CEP128: variants seen among roughly 807,000 people sequenced by gnomAD.
CEP128 encodes the protein centrosomal protein 128, also known as centrosomal protein 128kDa.
CEP128 carries 132 observed loss-of-function variants against 156.7 expected under a neutral mutation model. The observed-to-expected ratio is 0.84, with a 90% confidence interval of 0.73 to 0.97. CEP128 has a LOEUF of 0.97. CEP128 is among the 50% of genes least tolerant of loss of function. CEP128 has a pLI of 0.00. For synonymous variants in CEP128, 469 were observed against 448.9 expected (o/e 1.04, Z -0.57); for missense variants, 1,252 against 1,281.9 (o/e 0.98, Z 0.36).
rs969374959 is a variant in CEP128, at chr14:80,587,240, T to C, written c.2807-6817A>G. Among the ~76,000 whole-genome samples the C allele has an allele frequency of 2.6e-5, 4 of 152,168 alleles. No individual in the cohort carries two copies. The East Asian group carries it at 7.7e-4, about 29-fold the overall frequency. ...CCACCCACTGGTACATATCTGGATA[T>C]ACCGCAATGAGTTAAGAGTTTTCTC... On this transcript the variant is annotated intron_variant, in intron 19 of 24. Coordinates refer to ENST00000555265, the MANE Select transcript of CEP128 (RefSeq NM_152446.5).
intron 19 of CEP128, among the ~76,000 whole-genome samples, chr14:80,588,783 T>C (rs1393561776): frequency 6.6e-6 from 1 of 152,090 alleles, no homozygotes; most frequent in East Asian, 1.9e-4. Context: ...CATAAAAACA[T>C]TATGTTTTCA....
chr14:80,494,264 C>T (rs529363844), downstream of CEP128, among the ~76,000 whole-genome samples: 26 of 152,170 alleles, frequency 1.7e-4, no homozygotes, highest in Admixed American at 3.9e-4. Context: ...CAGATGCTTT[C>T]GTGAGAACAG....
intron 2 of CEP128, among the ~76,000 whole-genome samples, chr14:80,956,169 A>G (rs1249871826): frequency 6.6e-6 from 1 of 152,182 alleles, no homozygotes; most frequent in African/African-American, 2.4e-5. Context: ...AATCTGTTTT[A>G]TTTGAATTAA....
At chr14:80,709,645 T>C (rs1045646347) in intron 19 of CEP128, among the ~76,000 whole-genome samples, 1 of 152,196 alleles carries the variant, frequency 6.6e-6, no homozygotes, top group Admixed American at 6.6e-5. Flanking sequence ...AAATGATATT[T>C]TATGATGTTT....
intron 17 of CEP128, among the ~76,000 whole-genome samples, chr14:80,759,050 G>C (rs1420576122): frequency 6.6e-6 from 1 of 152,188 alleles, no homozygotes; most frequent in Non-Finnish European, 1.5e-5. Flanking sequence ...GTACAGTGCA[G>C]AACTAATCTA....
At chr14:80,818,875 T>C (rs1885008623) in intron 13 of CEP128, among the ~76,000 whole-genome samples, 3 of 152,276 alleles carry the variant, frequency 2.0e-5, no homozygotes, top group African/African-American at 4.8e-5. Flanking sequence ...CTTTGTCTTC[T>C]GAGTCTTTGC....
At chr14:80,704,736 CTG>C (rs975285948) in intron 19 of CEP128, among the ~76,000 whole-genome samples, 4 of 151,968 alleles carry the variant, frequency 2.6e-5, no homozygotes, top group Non-Finnish European at 5.9e-5. Flanking sequence ...TAAACTGATT[CTG>C]TCTCTCCTTC....
chr14:80,608,244 T>C (rs1892861572), intron 19 of CEP128, among the ~76,000 whole-genome samples: 2 of 152,216 alleles, frequency 1.3e-5, no homozygotes, highest in Admixed American at 6.5e-5. Context: ...TTAATTGTTT[T>C]GTCTTTTCGC....
At chr14:80,717,831 T>C (rs1014284511) in intron 19 of CEP128, among the ~76,000 whole-genome samples, 1 of 152,196 alleles carries the variant, frequency 6.6e-6, no homozygotes, top group Non-Finnish European at 1.5e-5. Flanking sequence ...TGCTTTTGTT[T>C]TGAGACAAGG....
chr14:80,856,041 T>G (rs539265733), intron 9 of CEP128, among the ~76,000 whole-genome samples: 1 of 152,292 alleles, frequency 6.6e-6, no homozygotes, highest in East Asian at 1.9e-4. Flanking sequence ...TCCAAAAAAA[T>G]GAAGAAAAAT....
At chr14:80,478,616 T>C (rs192442085) in intron 14 of CEP128, among the ~76,000 whole-genome samples, 5 of 152,284 alleles carry the variant, frequency 3.3e-5, no homozygotes, top group Admixed American at 3.3e-4. Flanking sequence ...TCATATAAGA[T>C]ACATTCTTGA....
At chr14:80,586,501 A>T (rs375022738) in intron 19 of CEP128, among the ~76,000 whole-genome samples, 3 of 152,296 alleles carry the variant, frequency 2.0e-5, no homozygotes, top group African/African-American at 7.2e-5. Context: ...CACAAAAGTG[A>T]CTGCCCTGCT....
In CEP128 at chr14:80,785,009, A is replaced by T. The variant is rs1901322567; in HGVS notation, c.2097T>A (p.Asp699Glu). The change falls in exon 15 of 25, where the codon GAT (aspartate) becomes GAA (glutamate). Residue 699 changes from aspartate (D) to glutamate (E), a missense_variant. By Grantham distance (45) the Asp-to-Glu change is conservative (BLOSUM62 2). Transcript: ENST00000555265. The stretch of plus-strand genomic sequence containing the variant: ...TCACACTCTGCAATGATGATGTGAG[A>T]TCTTTCAGCTCCCTCTGGTGCACAT... ...ERDVHQRELK[D>E]LTSSLQSVKT... is the part of the protein sequence containing the mutation. The T allele has an allele frequency of 6.2e-7, 1 of 1,614,070 alleles. No individual in the cohort carries two copies. The highest frequency in any genetic ancestry group is 1.3e-5 in the African/African-American group (1 of 74,944).
At chr14:80,734,397 A>T (rs1413616901) in intron 19 of CEP128, among the ~76,000 whole-genome samples, 1 of 151,980 alleles carries the variant, frequency 6.6e-6, no homozygotes, top group East Asian at 1.9e-4. Context: ...ATATGTCCCT[A>T]GTTACTCTGC....
intron 19 of CEP128, among the ~76,000 whole-genome samples, chr14:80,741,999 C>T (rs1898856820): frequency 6.6e-6 from 1 of 152,146 alleles, no homozygotes; most frequent in African/African-American, 2.4e-5. Context: ...ACAGGGACCT[C>T]AGCAGAAGTA....
At chr14:80,664,312 T>C (rs1489633704) in intron 19 of CEP128, among the ~76,000 whole-genome samples, 1 of 152,100 alleles carries the variant, frequency 6.6e-6, no homozygotes, top group East Asian at 1.9e-4. Context: ...ACTCAACCCT[T>C]TGCAGGGCTT....
chr14:80,946,877 G>A (rs535072503), intron 2 of CEP128, among the ~76,000 whole-genome samples: 1 of 152,322 alleles, frequency 6.6e-6, no homozygotes, highest in Admixed American at 6.5e-5. Context: ...GGTGGGAGGT[G>A]ATTGGATCAC....
intron 19 of CEP128, among the ~76,000 whole-genome samples, chr14:80,596,592 T>G (rs1312267800): frequency 6.6e-6 from 1 of 151,992 alleles, no homozygotes; most frequent in Non-Finnish European, 1.5e-5. Context: ...GAGGATCACT[T>G]GAGCCCGGAA....
intron 24 of CEP128, among the ~76,000 whole-genome samples, chr14:80,504,544 C>T (rs1360563940): frequency 6.6e-6 from 1 of 152,152 alleles, no homozygotes; most frequent in African/African-American, 2.4e-5. Flanking sequence ...TTACATATTT[C>T]TCAACATTTA....
Sources: allele counts gnomAD v4.1 joint callset (sites outside exome capture counted in the v4.1 genomes callset), GRCh38; gene constraint gnomAD v4.1.1; transcripts MANE v1.5; gene names NCBI Gene and HGNC (gene_info 2026-07-23, HGNC 2026-07-21).